The following FAF1 variants were observed in gnomAD, a reference collection of about 807,000 sequenced individuals.
FAF1 encodes the protein Fas associated factor 1.
Under a neutral mutation model 92.5 loss-of-function variants are expected in FAF1, and 25 were observed. The ratio of observed to expected loss-of-function variants is 0.27; its 90% CI spans 0.20 to 0.38. The LOEUF (loss-of-function observed/expected upper bound fraction) is 0.38, where lower values mean the gene tolerates loss of function less well. FAF1 is among the 10% of genes least tolerant of loss of function. The pLI is 1.00. For synonymous variants in FAF1, 234 were observed against 273.2 expected, an observed-to-expected ratio of 0.86 and a Z score of 1.42; for missense variants, 636 against 793.3, an observed-to-expected ratio of 0.80 and a Z score of 2.38.
chr1:50,947,979 T>C (rs1000297685), intron 1 of FAF1, among the ~76,000 whole-genome samples: 1 of 152,098 alleles, frequency 6.6e-6, no homozygotes, highest in Admixed American at 6.6e-5. Flanking sequence ...ATCCAGACAG[T>C]TGTTTCCCCA....
chr1:50,707,948 G>A (rs1268205109), intron 6 of FAF1, among the ~76,000 whole-genome samples: 2 of 151,994 alleles, frequency 1.3e-5, no homozygotes, highest in South Asian at 2.1e-4. Flanking sequence ...AGGTGCTAAG[G>A]AGCTGCGTGC....
At chr1:50,886,531 C>G (rs1325256556) in intron 1 of FAF1, among the ~76,000 whole-genome samples, 1 of 152,024 alleles carries the variant, frequency 6.6e-6, no homozygotes, top group Non-Finnish European at 1.5e-5. Context: ...CTCCCCACTC[C>G]CCCCACCCCA....
chr1:50,941,738 TAAC>T (rs1282461735), intron 1 of FAF1, among the ~76,000 whole-genome samples: 8 of 152,192 alleles, frequency 5.3e-5, no homozygotes, highest in African/African-American at 1.9e-4. Flanking sequence ...ACTGTGGGCA[TAAC>T]AATAGAAGGG....
chr1:50,876,118 T>C (rs1313043670), intron 1 of FAF1, among the ~76,000 whole-genome samples: 4 of 152,176 alleles, frequency 2.6e-5, no homozygotes, highest in Non-Finnish European at 5.9e-5. Flanking sequence ...GTAAATGACC[T>C]ACAGAAAATA....
chr1:50,579,300 GTA>G (rs1172767017), intron 12 of FAF1, among the ~76,000 whole-genome samples: 1 of 152,074 alleles, frequency 6.6e-6, no homozygotes, highest in African/African-American at 2.4e-5. Context: ...GGTATACATA[GTA>G]TATCTTACAG....
intron 4 of FAF1, among the ~76,000 whole-genome samples, chr1:50,766,827 G>C (rs6692113): frequency 0.27 from 32,980 of 123,274 alleles, 4,195 homozygotes; most frequent in Middle Eastern, 0.52. Flanking sequence ...ACATCCAAAA[G>C]ACAGCAACTT....
intron 2 of FAF1, among the ~76,000 whole-genome samples, chr1:50,823,010 G>A (rs1279523367): frequency 6.6e-6 from 1 of 152,080 alleles, no homozygotes; most frequent in African/African-American, 2.4e-5. Flanking sequence ...CCGACCTCAG[G>A]TGATCTGCCC....
chr1:50,761,686 T>C (rs1168041908), intron 4 of FAF1, among the ~76,000 whole-genome samples: 2 of 152,182 alleles, frequency 1.3e-5, no homozygotes, highest in Non-Finnish European at 2.9e-5. Context: ...ATGGGACGTA[T>C]CTCAAAATAG....
At chr1:50,463,952 T>C (rs955167004) in intron 18 of FAF1, among the ~76,000 whole-genome samples, 2 of 152,098 alleles carry the variant, frequency 1.3e-5, no homozygotes, top group Non-Finnish European at 2.9e-5. Flanking sequence ...TGGAAAAAAG[T>C]AATGTTGAGA....
In FAF1 at chr1:50,960,146, T is replaced by TA. The variant is rs934042689; in HGVS notation, c.-336dup. ...CAGGTTGCGACAGCGCGCACCCGGA[T>TA]ACCTTCAGCGGCGTTAAGCCCGGCG... On this transcript the variant is annotated 5_prime_UTR_variant, in exon 1 of 19. Coordinates refer to ENST00000396153, the MANE Select transcript of FAF1 (RefSeq NM_007051.3). 1 of 349,210 alleles carries TA rather than the reference T, an allele frequency of 2.9e-6. No homozygotes were observed. Among genetic ancestry groups the TA allele is most frequent in the African/African-American group, 2.1e-5 (1 of 46,678 alleles). 21.6% of individuals were successfully genotyped at this position (349,210 alleles called of 1,614,324 possible). A position where few individuals can be genotyped will look rare whatever the true frequency, so the allele number is the denominator to read the frequency against.
intron 1 of FAF1, among the ~76,000 whole-genome samples, chr1:50,884,747 T>G: frequency 6.6e-6 from 1 of 152,100 alleles, no homozygotes; most frequent in Non-Finnish European, 1.5e-5. Flanking sequence ...TTTTGATGTG[T>G]TTTTTTCTGA....
intron 11 of FAF1, 70 bp from the exon 12 acceptor site, chr1:50,582,769 A>G: frequency 1.0e-6 from 1 of 969,702 alleles, no homozygotes; most frequent in Non-Finnish European, 1.7e-6. Context: ...AAGTCTAATC[A>G]ATGACTTTTA....
At chr1:50,619,131 T>C (rs548852494) in intron 8 of FAF1, among the ~76,000 whole-genome samples, 1 of 152,332 alleles carries the variant, frequency 6.6e-6, no homozygotes, top group East Asian at 1.9e-4. Context: ...TGGGTGTCAT[T>C]ATGTGTGAGA....
At chr1:50,854,069 A>T (rs1043269169) in intron 2 of FAF1, among the ~76,000 whole-genome samples, 5 of 152,020 alleles carry the variant, frequency 3.3e-5, no homozygotes, top group African/African-American at 1.2e-4. Context: ...AATTACTAAG[A>T]GGTCTGAAAA....
intron 6 of FAF1, among the ~76,000 whole-genome samples, chr1:50,722,467 T>C (rs1658449891): frequency 6.6e-6 from 1 of 151,958 alleles, no homozygotes; most frequent in Non-Finnish European, 1.5e-5. Flanking sequence ...GCTAACATGG[T>C]GAAACTCGGT....
chr1:50,570,653 T>C (rs1343568787), intron 12 of FAF1, among the ~76,000 whole-genome samples: 1 of 152,240 alleles, frequency 6.6e-6, no homozygotes, highest in African/African-American at 2.4e-5. Flanking sequence ...AAACTAATAA[T>C]TTTAAAATAA....
At chr1:50,694,522 A>T (rs1192388667) in intron 7 of FAF1, among the ~76,000 whole-genome samples, 1 of 151,196 alleles carries the variant, frequency 6.6e-6, no homozygotes, top group Non-Finnish European at 1.5e-5. Context: ...CATAGTAATG[A>T]TTATGGATCT....
chr1:50,458,597 A>T (rs764051779), intron 18 of FAF1, among the ~76,000 whole-genome samples: 4 of 152,192 alleles, frequency 2.6e-5, no homozygotes, highest in Non-Finnish European at 5.9e-5. Context: ...ATAACCTCAA[A>T]CACATTTAAA....
chr1:50,733,260 A>G (rs1490710146), intron 6 of FAF1, among the ~76,000 whole-genome samples: 1 of 152,178 alleles, frequency 6.6e-6, no homozygotes, highest in Non-Finnish European at 1.5e-5. Context: ...GATGTTATCT[A>G]TAATTTGGAA....
Sources: allele counts gnomAD v4.1 joint callset (sites outside exome capture counted in the v4.1 genomes callset), GRCh38; gene constraint gnomAD v4.1.1; transcripts MANE v1.5; gene names NCBI Gene and HGNC (gene_info 2026-07-23, HGNC 2026-07-21).